CTIF: variants seen among roughly 807,000 people sequenced by gnomAD.
The protein encoded by CTIF is CBP80/20-dependent translation initiation factor.
A neutral mutation model predicts 66.0 loss-of-function variants in CTIF; 21 were observed. That is an observed-to-expected ratio of 0.32 (90% CI 0.23 to 0.46). The LOEUF (loss-of-function observed/expected upper bound fraction) is 0.46. Among genes scored for constraint, CTIF ranks in the 20% least tolerant of loss-of-function variants. The probability of loss-of-function intolerance (pLI) is 1.00; values close to 1 mark genes in which losing one functional copy is unlikely to be tolerated. For missense variants in CTIF, 739 were observed against 812.7 expected, an observed-to-expected ratio of 0.91 and a Z score of 1.10; for synonymous variants, 345 against 326.4, an observed-to-expected ratio of 1.06 and a Z score of -0.62.
intron 1 of CTIF, among the ~76,000 whole-genome samples, chr18:48,589,043 C>A (rs1319897740): frequency 2.0e-5 from 3 of 152,188 alleles, no homozygotes. Flanking sequence ...TCCAGCCCAA[C>A]TTTTTAAGAA....
At chr18:48,540,433 G>C (rs990511330) in intron 1 of CTIF, 3 of 152,014 alleles carry the variant, frequency 2.0e-5, no homozygotes, top group Non-Finnish European at 2.9e-5. Flanking sequence ...GCCGCGTGCC[G>C]GTGCCTGGAT....
At chr18:48,817,196 G>T in intron 9 of CTIF, 25 bp from the exon 10 acceptor site, 1 of 1,607,562 alleles carries the variant, frequency 6.2e-7, no homozygotes. Flanking sequence ...CCGGGAGGCT[G>T]ACGCGGTCTC....
intron 9 of CTIF, among the ~76,000 whole-genome samples, chr18:48,795,983 T>A (rs1037015523): frequency 1.3e-5 from 2 of 152,104 alleles, no homozygotes; most frequent in Admixed American, 1.3e-4. Flanking sequence ...AATCCCCAAA[T>A]GCCCAGGTGT....
intron 6 of CTIF, among the ~76,000 whole-genome samples, chr18:48,709,490 C>G (rs941162518): frequency 6.6e-6 from 1 of 152,242 alleles, no homozygotes; most frequent in Admixed American, 6.5e-5. Flanking sequence ...GAGGCTGGCA[C>G]CCCCTGGGCT....
At chr18:48,799,011 C>T (rs946373469) in intron 9 of CTIF, among the ~76,000 whole-genome samples, 2 of 152,172 alleles carry the variant, frequency 1.3e-5, no homozygotes, top group South Asian at 2.1e-4. Flanking sequence ...TCGCTGCCAC[C>T]AGCGCGTGAC....
At chr18:48,729,140 C>T (rs908259972) in intron 7 of CTIF, among the ~76,000 whole-genome samples, 4 of 152,166 alleles carry the variant, frequency 2.6e-5, no homozygotes, top group Admixed American at 2.0e-4. Context: ...TCAGTGAAGA[C>T]GCTTCCTGCC....
intron 6 of CTIF, among the ~76,000 whole-genome samples, chr18:48,709,447 G>C (rs1248854169): frequency 6.6e-6 from 1 of 152,268 alleles, no homozygotes; most frequent in Admixed American, 6.5e-5. Flanking sequence ...CCAGGAGGTA[G>C]GTTAGAGCCC....
At chr18:48,702,939 C>T (rs1264617661) in intron 6 of CTIF, among the ~76,000 whole-genome samples, 4 of 151,962 alleles carry the variant, frequency 2.6e-5, no homozygotes, top group Non-Finnish European at 5.9e-5. Flanking sequence ...AAACCATGAC[C>T]CCCAGCAGGA....
intron 10 of CTIF, among the ~76,000 whole-genome samples, chr18:48,842,840 C>T (rs2068978570): frequency 6.6e-6 from 1 of 152,234 alleles, no homozygotes; most frequent in Non-Finnish European, 1.5e-5. Flanking sequence ...ACTTATCACA[C>T]CCTGCCCCCA....
At chr18:48,626,734 C>T (rs1043824682) in intron 2 of CTIF, among the ~76,000 whole-genome samples, 17 of 148,140 alleles carry the variant, frequency 1.1e-4, no homozygotes, top group Non-Finnish European at 2.2e-4. Flanking sequence ...TGACTCACTG[C>T]AACCTCTGCC....
intron 10 of CTIF, among the ~76,000 whole-genome samples, chr18:48,839,788 T>A (rs967429573): frequency 6.6e-6 from 1 of 152,162 alleles, no homozygotes; most frequent in Non-Finnish European, 1.5e-5. Context: ...TACTACCCCC[T>A]TCAGACACCC....
intron 1 of CTIF, among the ~76,000 whole-genome samples, chr18:48,550,987 A>G (rs1427450998): frequency 6.6e-6 from 1 of 151,914 alleles, no homozygotes; most frequent in African/African-American, 2.4e-5. Flanking sequence ...GTAATCAACT[A>G]TCCTGTTCTG....
chr18:48,846,577 A>G (rs2069081239), intron 10 of CTIF, among the ~76,000 whole-genome samples: 5 of 124,544 alleles, frequency 4.0e-5, no homozygotes, highest in African/African-American at 1.2e-4. Flanking sequence ...ATGGATGGGT[A>G]GGTGGGTGGG....
At position 48,861,694 on chromosome 18, in the gene CTIF, A is replaced by G. The variant is rs1233882760; in HGVS notation, c.*2135A>G. The G allele has an allele frequency of 6.6e-6, 1 of 152,308 alleles. No homozygotes were observed. The highest frequency in any genetic ancestry group is 1.5e-5 in the Non-Finnish European group (1 of 68,112). 9.4% of individuals were successfully genotyped at this position (152,308 alleles called of 1,614,324 possible). A position where few individuals can be genotyped will look rare whatever the true frequency, so the allele number is the denominator to read the frequency against. On this transcript the variant is annotated 3_prime_UTR_variant, in exon 12 of 12. Transcript: ENST00000256413. ...CTCCCAGACCCAACGGTGAGCTCAG[A>G]GCAAGCTTCACGCAGGACGCTCCGA...
At chr18:48,762,995 G>A (rs1909158789) in intron 9 of CTIF, among the ~76,000 whole-genome samples, 1 of 152,180 alleles carries the variant, frequency 6.6e-6, no homozygotes. Context: ...TCCCATTCCT[G>A]GATCGCCCGC....
At chr18:48,637,836 T>C (rs953965848) in intron 3 of CTIF, among the ~76,000 whole-genome samples, 3 of 152,112 alleles carry the variant, frequency 2.0e-5, no homozygotes, top group African/African-American at 7.2e-5. Flanking sequence ...TGGAGTCTCG[T>C]TTTTGTTCTG....
chr18:48,837,098 G>A (rs1481304527), intron 10 of CTIF, among the ~76,000 whole-genome samples: 1 of 152,190 alleles, frequency 6.6e-6, no homozygotes, highest in African/African-American at 2.4e-5. Context: ...CCAAGGACTG[G>A]GGACCTCATC....
intron 2 of CTIF, among the ~76,000 whole-genome samples, chr18:48,633,695 C>T (rs2090761892): frequency 7.8e-6 from 1 of 127,724 alleles, no homozygotes; most frequent in African/African-American, 3.5e-5. Context: ...GAATGAGCCT[C>T]CATCTCAATA....
chr18:48,667,920 C>T (rs1301694016), intron 5 of CTIF, among the ~76,000 whole-genome samples: 2 of 152,226 alleles, frequency 1.3e-5, no homozygotes, highest in South Asian at 2.1e-4. Flanking sequence ...ACACTCCATG[C>T]GCCAGCCACT....
Sources: gnomAD v4.1 joint callset for allele counts (sites outside exome capture counted in the v4.1 genomes callset) on GRCh38, gnomAD v4.1.1 for gene constraint, MANE v1.5 for transcripts, NCBI Gene and HGNC (gene_info 2026-07-23, HGNC 2026-07-21) for gene names.